LRRC7: variants seen among roughly 807,000 people sequenced by gnomAD.
The protein encoded by LRRC7 is leucine rich repeat containing 7.
A neutral mutation model predicts 175.7 loss-of-function variants in LRRC7; 23 were observed. The observed-to-expected ratio is 0.13, with a 90% confidence interval of 0.09 to 0.19. The LOEUF is 0.19. Ranked by LOEUF, LRRC7 falls within the 10% of genes least tolerant of loss-of-function variation. The probability of loss-of-function intolerance (pLI) is 1.00; values close to 1 mark genes in which losing one functional copy is unlikely to be tolerated. For missense variants in LRRC7, 1,354 were observed against 1,904.7 expected, an observed-to-expected ratio of 0.71 and a Z score of 5.38; for synonymous variants, 685 against 680.9, an observed-to-expected ratio of 1.01 and a Z score of -0.09.
At chr1:69,858,112 C>G (rs61782570) in intron 7 of LRRC7, among the ~76,000 whole-genome samples, 1 of 151,880 alleles carries the variant, frequency 6.6e-6, no homozygotes, top group Non-Finnish European at 1.5e-5. Context: ...AAATTAATTC[C>G]AGATGGATTA....
chr1:69,885,011 G>A lies in LRRC7; in HGVS notation c.648-46496G>A, dbSNP rs1429874623. 6.9e-3 allele frequency among the ~76,000 whole-genome samples: 996 copies of A among 145,196 alleles called. 10 individuals are homozygous for A. The highest frequency in any genetic ancestry group is 0.027 in the Middle Eastern group (8 of 292). Reference sequence around the variant, plus strand: ...AGCTTTTTGATGTGCTGCTGGATTCGGTTTGCCAGTATTTTATTGAGGATT... The same window carrying A: ...AGCTTTTTGATGTGCTGCTGGATTCAGTTTGCCAGTATTTTATTGAGGATT... On this transcript the variant is annotated intron_variant, in intron 7 of 26. Transcript: ENST00000651989.
chr1:70,014,674 T>C (rs1348771682), intron 13 of LRRC7, among the ~76,000 whole-genome samples: 1 of 152,058 alleles, frequency 6.6e-6, no homozygotes, highest in Non-Finnish European at 1.5e-5. Flanking sequence ...AGCAATGTCA[T>C]CCAAAAGTAA....
chr1:69,875,151 C>T (rs1389519238), intron 7 of LRRC7: 5 of 151,970 alleles, frequency 3.3e-5, no homozygotes, highest in African/African-American at 1.2e-4. Flanking sequence ...TTAAAACATT[C>T]TATGTGAAAG....
chr1:70,086,825 C>T (rs764774431), intron 24 of LRRC7, among the ~76,000 whole-genome samples: 4 of 152,142 alleles, frequency 2.6e-5, no homozygotes, highest in Non-Finnish European at 4.4e-5. Flanking sequence ...TAATCTTTTA[C>T]TAGAACACTG....
At position 69,790,891 on chromosome 1, in the gene LRRC7, A is replaced by G. The variant is rs568086372; in HGVS notation, c.304-1152A>G. Among the ~76,000 whole-genome samples, 17 of 152,118 alleles carry G rather than the reference A, an allele frequency of 1.1e-4. No homozygotes were observed. The South Asian group carries it at 3.5e-3, about 31-fold the overall frequency. On this transcript the variant is annotated intron_variant, in intron 3 of 26. Transcript: ENST00000651989. ...TTTGTAAGGCACCAAACATGACCCA[A>G]AGTAAGAAACTGCATATTTCATATT...
intron 2 of LRRC7, 73 bp downstream of exon 2, chr1:69,678,551 G>A (rs1660086074): frequency 9.7e-7 from 1 of 1,028,346 alleles, no homozygotes; most frequent in East Asian, 2.6e-5. Flanking sequence ...TGAAATGAGT[G>A]ACCTTTAAAT....
chr1:69,962,087 G>A (rs1179111147), intron 8 of LRRC7, among the ~76,000 whole-genome samples: 1 of 151,934 alleles, frequency 6.6e-6, no homozygotes, highest in Admixed American at 6.6e-5. Context: ...TGCAAACTAT[G>A]CATCCGACAA....
At chr1:70,056,776 A>C (rs1350203424) in intron 23 of LRRC7, among the ~76,000 whole-genome samples, 1 of 152,220 alleles carries the variant, frequency 6.6e-6, no homozygotes, top group Non-Finnish European at 1.5e-5. Flanking sequence ...GTTGGCGTAG[A>C]GTAGACAGGG....
rs990960363 is a variant in LRRC7 at position 70,138,131 on chromosome 1, C to T, written c.*16244C>T. On this transcript the variant is annotated 3_prime_UTR_variant, in exon 27 of 27. Transcript: ENST00000651989. ...GTAGAAACTTAGTGTCATTGCGCAT[C>T]AACTTAGAAAATGTGAATTGATTAA... 6.6e-6 allele frequency: 1 copy of T among 152,116 alleles called. No homozygotes were observed. The highest frequency in any genetic ancestry group is 2.1e-4 in the South Asian group (1 of 4,828). The allele number at this position is 152,116 out of a possible 1,614,324, so 9.4% of individuals were successfully genotyped here.
intron 22 of LRRC7, among the ~76,000 whole-genome samples, chr1:70,050,362 A>G (rs1660658956): frequency 6.6e-6 from 1 of 152,068 alleles, no homozygotes; most frequent in Admixed American, 6.6e-5. Context: ...GCATTATTGC[A>G]TGTCTTATCA....
chr1:70,096,341 A>G (rs1176233217), intron 25 of LRRC7, among the ~76,000 whole-genome samples: 1 of 152,214 alleles, frequency 6.6e-6, no homozygotes, highest in Non-Finnish European at 1.5e-5. Flanking sequence ...TAGTCTAAGT[A>G]TCTGATTCTA....
intron 25 of LRRC7, among the ~76,000 whole-genome samples, chr1:70,096,866 G>A (rs908097928): frequency 1.3e-5 from 2 of 152,166 alleles, no homozygotes; most frequent in Non-Finnish European, 2.9e-5. Flanking sequence ...GAGACGAAGA[G>A]AGAATCGAGA....
chr1:70,036,680 A>T, intron 20 of LRRC7, 56 bp downstream of exon 20: 3 of 1,517,976 alleles, frequency 2.0e-6, no homozygotes, highest in Middle Eastern at 1.8e-4. Flanking sequence ...GCAACTTTTT[A>T]AAAAATGGAA....
intron 7 of LRRC7, among the ~76,000 whole-genome samples, chr1:69,842,762 T>C (rs1464139081): frequency 5.3e-5 from 8 of 152,170 alleles, no homozygotes; most frequent in African/African-American, 1.7e-4. Flanking sequence ...TGAAAAGAGC[T>C]ATGGAATATA....
intron 1 of LRRC7, among the ~76,000 whole-genome samples, chr1:69,673,612 T>C (rs1659399124): frequency 1.3e-5 from 2 of 152,168 alleles, no homozygotes; most frequent in Non-Finnish European, 2.9e-5. Flanking sequence ...TCATAGATAA[T>C]GGTGGTGAAA....
At chr1:69,888,327 G>GT (rs565559600) in intron 7 of LRRC7, among the ~76,000 whole-genome samples, 168 of 152,272 alleles carry the variant, frequency 1.1e-3, no homozygotes, top group African/African-American at 3.9e-3. Flanking sequence ...ATGGTGCGCC[G>GT]TTTTTTAAGC....
At chr1:69,599,171 T>C (rs1374207140) in intron 1 of LRRC7, among the ~76,000 whole-genome samples, 2 of 151,830 alleles carry the variant, frequency 1.3e-5, no homozygotes, top group Non-Finnish European at 2.9e-5. Flanking sequence ...GGATAAGTAA[T>C]AGGTCTAGGA....
intron 2 of LRRC7, among the ~76,000 whole-genome samples, chr1:69,741,972 T>C (rs1036747585): frequency 1.3e-5 from 2 of 152,002 alleles, no homozygotes; most frequent in Non-Finnish European, 1.5e-5. Flanking sequence ...ATATAAATTA[T>C]TCAGAAAGTG....
chr1:70,052,379 T>C (rs1203729497), intron 22 of LRRC7, among the ~76,000 whole-genome samples: 1 of 152,008 alleles, frequency 6.6e-6, no homozygotes, highest in Non-Finnish European at 1.5e-5. Context: ...ATATATATCA[T>C]TTATATAAAT....
Sources: gnomAD v4.1 joint callset for allele counts (sites outside exome capture counted in the v4.1 genomes callset) on GRCh38, gnomAD v4.1.1 for gene constraint, MANE v1.5 for transcripts, NCBI Gene and HGNC (gene_info 2026-07-23, HGNC 2026-07-21) for gene names.